The following DOCK10 variants were observed in gnomAD, a reference collection of about 807,000 sequenced individuals.
DOCK10 encodes dedicator of cytokinesis 10, also known as dedicator of cytokinesis protein 10.
A neutral mutation model predicts 280.1 loss-of-function variants in DOCK10; 145 were observed. The ratio of observed to expected loss-of-function variants is 0.52; its 90% CI spans 0.45 to 0.59. The LOEUF (loss-of-function observed/expected upper bound fraction) is 0.59, where lower values mean the gene tolerates loss of function less well. DOCK10 is among the 20% of genes least tolerant of loss of function. The pLI, the probability that DOCK10 is intolerant of heterozygous loss-of-function variation, is 0.00. For missense variants in DOCK10, 2,368 were observed against 2,651.7 expected (o/e 0.89, Z 2.35); for synonymous variants, 915 against 942.2 (o/e 0.97, Z 0.53).
At chr2:224,901,402 T>A (rs952551295) in intron 3 of DOCK10, among the ~76,000 whole-genome samples, 1 of 152,334 alleles carries the variant, frequency 6.6e-6, no homozygotes, top group South Asian at 2.1e-4. Flanking sequence ...AGGCTGTGAA[T>A]ATTGAGCAAG....
At chr2:225,015,784 CATGAG>C (rs1175901491) in intron 1 of DOCK10, among the ~76,000 whole-genome samples, 2 of 152,162 alleles carry the variant, frequency 1.3e-5, no homozygotes, top group Admixed American at 1.3e-4. Context: ...ATTTCTAGTA[CATGAG>C]ATGTGTGTCC....
intron 4 of DOCK10, 107 bp from the exon 5 acceptor site, chr2:224,886,638 AT>A: frequency 1.2e-6 from 1 of 831,458 alleles, no homozygotes; most frequent in Non-Finnish European, 1.9e-6. Context: ...GTTCTTACAA[AT>A]TTCTGTAAAA....
At chr2:224,996,339 G>A (rs553820188) in intron 1 of DOCK10, among the ~76,000 whole-genome samples, 1 of 152,328 alleles carries the variant, frequency 6.6e-6, no homozygotes, top group South Asian at 2.1e-4. Context: ...GGGACTTGTA[G>A]ACATGAATTC....
intron 15 of DOCK10, among the ~76,000 whole-genome samples, chr2:224,856,008 A>C (rs1193813200): frequency 6.6e-6 from 1 of 152,208 alleles, no homozygotes; most frequent in Non-Finnish European, 1.5e-5. Context: ...TAGGGTGCAC[A>C]TCTCTTCCTA....
chr2:224,879,540 T>C (rs1452003508), intron 7 of DOCK10, among the ~76,000 whole-genome samples: 3 of 152,152 alleles, frequency 2.0e-5, no homozygotes, highest in African/African-American at 7.2e-5. Context: ...GGCAGCTCAC[T>C]TGAGGCCAGG....
In DOCK10 at chr2:224,796,989, T is replaced by G. The variant is rs759495122; in HGVS notation, c.4802A>C (p.Lys1601Thr). 1 of 1,613,210 alleles carries G rather than the reference T, an allele frequency of 6.2e-7. No individual in the cohort carries two copies. Among genetic ancestry groups the G allele is most frequent in the South Asian group, 1.1e-5 (1 of 90,926 alleles). ...MRKNFEFNKQ[K>T]SIVRSHLQLI... Reference sequence around the variant, plus strand: ...TTGTAAGTGGGACCGGACAATTGACTTCTGCTTGTTAAATTCAAAATTCTT... The same window carrying G: ...TTGTAAGTGGGACCGGACAATTGACGTCTGCTTGTTAAATTCAAAATTCTT... Residue 1601 changes from lysine to threonine, a missense_variant, in exon 43 of 56, where the codon AAG becomes ACG. Around this residue, in one of 2 missense-constraint regions of DOCK10, gnomAD observed 1,159 missense variants for 1,400.8 expected, o/e 0.83. Transcript: ENST00000258390.
chr2:224,778,348 A>G, intron 50 of DOCK10, 64 bp from the exon 51 acceptor site: 2 of 1,483,832 alleles, frequency 1.3e-6, no homozygotes, highest in Non-Finnish European at 1.8e-6. Context: ...AAAGCAAAAC[A>G]AAAAGCCATT....
At chr2:224,859,176 G>A (rs973421119) in intron 14 of DOCK10, among the ~76,000 whole-genome samples, 1 of 152,120 alleles carries the variant, frequency 6.6e-6, no homozygotes. Flanking sequence ...TGTCAGTATG[G>A]GAATCTTAAA....
At chr2:224,876,003 G>A (rs376581050) in intron 8 of DOCK10, 35 bp downstream of exon 8, 115 of 1,597,042 alleles carry the variant, frequency 7.2e-5, no homozygotes, top group Non-Finnish European at 9.1e-5. Flanking sequence ...GGTCACACTG[G>A]ACAAAGGAAG....
intron 1 of DOCK10, among the ~76,000 whole-genome samples, chr2:225,022,289 G>T (rs1463031229): frequency 6.6e-6 from 1 of 152,134 alleles, no homozygotes; most frequent in Admixed American, 6.6e-5. Flanking sequence ...ATTTAAAATT[G>T]TGTGATCTTG....
intron 1 of DOCK10, among the ~76,000 whole-genome samples, chr2:225,027,577 G>C (rs1376199928): frequency 6.6e-6 from 1 of 152,014 alleles, no homozygotes; most frequent in Admixed American, 6.6e-5. Context: ...AGTCTCACAG[G>C]GATATGGTTG....
chr2:224,926,508 G>C (rs1041516672), intron 2 of DOCK10, among the ~76,000 whole-genome samples: 2 of 152,196 alleles, frequency 1.3e-5, no homozygotes, highest in Non-Finnish European at 2.9e-5. Context: ...CTCCAGCCTG[G>C]ATAACAGAGC....
intron 4 of DOCK10, among the ~76,000 whole-genome samples, chr2:224,890,319 G>C (rs1455915281): frequency 6.6e-6 from 1 of 152,194 alleles, no homozygotes; most frequent in Non-Finnish European, 1.5e-5. Context: ...AAACAAGGAG[G>C]AGAGAAAGCC....
chr2:224,947,288 GATTGA>G (rs1490927827), intron 1 of DOCK10, among the ~76,000 whole-genome samples: 2 of 152,160 alleles, frequency 1.3e-5, no homozygotes, highest in African/African-American at 4.8e-5. Flanking sequence ...ACCAAATCAA[GATTGA>G]ATTGAACAGT....
intron 4 of DOCK10, among the ~76,000 whole-genome samples, 177 bp from the exon 5 acceptor site, chr2:224,886,708 ATATCT>A (rs1217078508): frequency 1.3e-5 from 2 of 152,162 alleles, no homozygotes; most frequent in African/African-American, 4.8e-5. Context: ...CTCTGCCATG[ATATCT>A]TATCTCCAGT....
chr2:224,797,029 A>T lies in DOCK10; in HGVS notation c.4762T>A (p.Tyr1588Asn), dbSNP rs767797843. Reference sequence around the variant, plus strand: ...TCAAAATTCTTCCTCATGAAAAAGTACAGAAGGGCTGAGGCTTCTGTCTGA... The same window carrying T: ...TCAAAATTCTTCCTCATGAAAAAGTTCAGAAGGGCTGAGGCTTCTGTCTGA... ...STQTEASALL[Y>N]FFMRKNFEFN... The change falls in exon 43 of 56, where the codon TAC (tyrosine) becomes AAC (asparagine). Residue 1588 changes from tyrosine (Y) to asparagine (N), a missense_variant. Physicochemically the swap from Tyr to Asn is moderately radical, Grantham distance 143. Transcript: ENST00000258390. The T allele has an allele frequency of 1.2e-6, 2 of 1,613,588 alleles. No individual in the cohort carries two copies.
At chr2:225,002,265 A>G (rs1487073712) in intron 1 of DOCK10, among the ~76,000 whole-genome samples, 3 of 152,202 alleles carry the variant, frequency 2.0e-5, no homozygotes, top group African/African-American at 7.2e-5. Context: ...TTGTGAGAAG[A>G]GGTCTGAAAG....
intron 51 of DOCK10, among the ~76,000 whole-genome samples, chr2:224,775,381 GTTAT>G (rs1690771530): frequency 1.3e-5 from 2 of 152,156 alleles, no homozygotes; most frequent in South Asian, 4.1e-4. Context: ...GCTGTGGCAT[GTTAT>G]TTAGTCTTTT....
In DOCK10 at chr2:224,834,184, G is replaced by A. The variant is rs1695444794; in HGVS notation, c.2930C>T (p.Ser977Leu). Residue 977 changes from serine to leucine, a missense_variant, in exon 26 of 56, where the codon TCA becomes TTA. Transcript: ENST00000258390. ...ATGCTTTACTGTTGTTGAGTCATTT[G>A]ATTTCAAAAGACCAGTCACATTTTT... ...LAKNVTGLLKSNDSTTVKHVL... is the reference protein window; with the variant it reads ...LAKNVTGLLKLNDSTTVKHVL... 1 of 1,612,888 alleles carries A rather than the reference G, an allele frequency of 6.2e-7. No individual in the cohort carries two copies. The highest frequency in any genetic ancestry group is 1.3e-5 in the African/African-American group (1 of 74,892).
Sources: gnomAD v4.1 joint callset for allele counts (sites outside exome capture counted in the v4.1 genomes callset) on GRCh38, gnomAD v4.1.1 for gene constraint, gnomAD v4.1.1 regional missense constraint, MANE v1.5 for transcripts, NCBI Gene and HGNC (gene_info 2026-07-23, HGNC 2026-07-21) for gene names.